The following C2CD3 variants were observed in gnomAD, a reference collection of about 807,000 sequenced individuals.
C2CD3 encodes C2 domain-containing protein 3.
C2CD3 carries 148 observed loss-of-function variants against 234.0 expected under a neutral mutation model. The observed-to-expected ratio is 0.63, with a 90% CI of 0.55 to 0.72. C2CD3 has a LOEUF of 0.72. Among genes scored for constraint, C2CD3 ranks in the 30% least tolerant of loss-of-function variants. C2CD3 has a pLI of 0.00. For synonymous variants in C2CD3, 1,000 were observed against 1,035.4 expected, an observed-to-expected ratio of 0.97 and a Z score of 0.66; for missense variants, 2,577 against 2,811.5, an observed-to-expected ratio of 0.92 and a Z score of 1.89.
chr11:74,033,829 AG>A lies in C2CD3; in HGVS notation c.6330del (p.Ser2111LeufsTer120). ...CAGAAAGGCCCTGGAGAAGGACAAG[AG>A]GGGCCTTCCCTCTGCACCTCGTCAG... ...PQPDEVQREG[P>X]SCPSPGPFCR... On this transcript the variant is annotated frameshift_variant, in exon 31 of 33. Coordinates refer to ENST00000334126, the MANE Select transcript of C2CD3 (RefSeq NM_001286577.2). LOFTEE classifies it high-confidence loss of function. The A allele has an allele frequency of 6.5e-7, 1 of 1,536,180 alleles. No homozygotes were observed. Among genetic ancestry groups the A allele is most frequent in the Non-Finnish European group, 8.7e-7 (1 of 1,146,918 alleles).
At chr11:74,092,347 A>C in intron 19 of C2CD3, 69 bp downstream of exon 19, 12 of 1,409,684 alleles carry the variant, frequency 8.5e-6, no homozygotes, top group South Asian at 1.2e-5. Flanking sequence ...GAACCACCGC[A>C]CCCGGCTATT....
At chr11:74,118,747 C>T (rs1202308023) in intron 8 of C2CD3, among the ~76,000 whole-genome samples, 1 of 152,080 alleles carries the variant, frequency 6.6e-6, no homozygotes, top group Non-Finnish European at 1.5e-5. Flanking sequence ...TCAGTTTTTA[C>T]AAGTGAGAAA....
rs115106467 is a variant in C2CD3 at position 74,055,229 on chromosome 11, G to C, written c.5091-558C>G. On this transcript the variant is annotated intron_variant, in intron 25 of 32. Transcript: ENST00000334126. Reference sequence around the variant, plus strand: ...CTTGAGGTCACTTAAGAGTCAGTAAGTAGTAGGGCTAGGATTTAAACCCTG... The same window carrying C: ...CTTGAGGTCACTTAAGAGTCAGTAACTAGTAGGGCTAGGATTTAAACCCTG... Among the ~76,000 whole-genome samples the C allele has an allele frequency of 1.4e-3, 211 of 152,322 alleles. 3 individuals are homozygous for C. The highest frequency in any genetic ancestry group is 4.3e-3 in the African/African-American group (178 of 41,566).
chr11:74,079,043 AGTT>A (rs1955207410), intron 22 of C2CD3, among the ~76,000 whole-genome samples: 1 of 152,182 alleles, frequency 6.6e-6, no homozygotes, highest in Non-Finnish European at 1.5e-5. Context: ...TGTCTCCCAA[AGTT>A]GTTATGATTG....
chr11:74,116,675 T>G (rs979869716), intron 9 of C2CD3, among the ~76,000 whole-genome samples: 1 of 151,714 alleles, frequency 6.6e-6, no homozygotes, highest in Non-Finnish European at 1.5e-5. Context: ...TACTTGTACT[T>G]GCATGCTTAT....
chr11:74,012,943 C>G lies in C2CD3; in HGVS notation c.*442G>C, dbSNP rs912768827. On this transcript the variant is annotated 3_prime_UTR_variant, in exon 33 of 33. Coordinates refer to ENST00000334126, the MANE Select transcript of C2CD3 (RefSeq NM_001286577.2). Reference sequence around the variant, plus strand: ...TCCCACACAAATGAACTGGAGGTGGCCCTAGGATTTCCTTGACTATGCACA... The same window carrying G: ...TCCCACACAAATGAACTGGAGGTGGGCCTAGGATTTCCTTGACTATGCACA... 1 of 152,696 alleles carries G rather than the reference C, an allele frequency of 6.5e-6. No homozygotes were observed. The highest frequency in any genetic ancestry group is 1.5e-5 in the Non-Finnish European group (1 of 68,426). The allele number at this position is 152,696 out of a possible 1,614,324, so 9.5% of individuals were successfully genotyped here.
rs397939576 is a variant in C2CD3 at position 74,123,708 on chromosome 11, C to CT, written c.1218-574dup. ...CAGAATTTTGAAGGAACAAATACTC[C>CT]TTTTTTTTTTGAAATCCCACGCTGG... On this transcript the variant is annotated intron_variant, in intron 7 of 32. Coordinates refer to ENST00000334126, the MANE Select transcript of C2CD3 (RefSeq NM_001286577.2). Among the ~76,000 whole-genome samples the CT allele has an allele frequency of 3.6e-3, 507 of 142,706 alleles. 4 individuals are homozygous for CT. Among genetic ancestry groups the CT allele is most frequent in the African/African-American group, 0.012 (473 of 39,116 alleles). The allele number at this position is 142,706 out of a possible 152,430, so 93.6% of individuals were successfully genotyped here. A position where few individuals can be genotyped will look rare whatever the true frequency, so the allele number is the denominator to read the frequency against.
At chr11:74,129,402 G>C (rs1241642792) in intron 7 of C2CD3, 1 of 176,222 alleles carries the variant, frequency 5.7e-6, no homozygotes, top group Non-Finnish European at 1.2e-5. Flanking sequence ...AGACGGGGTC[G>C]CGGCCGGGCA....
chr11:74,034,639 T>TA, intron 30 of C2CD3: 1 of 1,545,090 alleles, frequency 6.5e-7, no homozygotes, highest in East Asian at 2.2e-5. Context: ...AGAATCCACT[T>TA]ATTTACCTAT....
intron 32 of C2CD3, among the ~76,000 whole-genome samples, chr11:74,027,814 T>A (rs1952364797): frequency 6.6e-6 from 1 of 152,232 alleles, no homozygotes; most frequent in South Asian, 2.1e-4. Flanking sequence ...AGAGGAGATG[T>A]GGGATTTGTA....
chr11:74,024,864 C>T (rs961705041), intron 32 of C2CD3, among the ~76,000 whole-genome samples: 1 of 152,068 alleles, frequency 6.6e-6, no homozygotes. Flanking sequence ...ACTAACCTCC[C>T]TGGGTTTCCT....
intron 4 of C2CD3, 48 bp downstream of exon 4, chr11:74,139,557 A>G: frequency 8.1e-7 from 1 of 1,232,820 alleles, no homozygotes; most frequent in Non-Finnish European, 1.2e-6. Flanking sequence ...AATCACAACT[A>G]CAGTGCAGTT....
chr11:74,077,963 T>C, intron 23 of C2CD3, 152 bp downstream of exon 23: 1 of 896,646 alleles, frequency 1.1e-6, no homozygotes, highest in Non-Finnish European at 1.6e-6. Context: ...TCTCTGAGCC[T>C]CCTTTTTTAT....
At chr11:74,117,537 T>C (rs992587668) in intron 9 of C2CD3, among the ~76,000 whole-genome samples, 1 of 151,258 alleles carries the variant, frequency 6.6e-6, no homozygotes, top group African/African-American at 2.4e-5. Context: ...GAAGCAAAGC[T>C]ATGAGGATGC....
intron 30 of C2CD3, 98 bp downstream of exon 30, chr11:74,037,379 AT>A: frequency 8.4e-6 from 8 of 953,948 alleles, no homozygotes; most frequent in Non-Finnish European, 1.3e-5. Context: ...ATTGGTCTCT[AT>A]TTGTCATAGG....
chr11:74,060,080 A>G (rs1386143608), intron 24 of C2CD3, among the ~76,000 whole-genome samples: 1 of 152,174 alleles, frequency 6.6e-6, no homozygotes, highest in African/African-American at 2.4e-5. Context: ...AAGGATGTCC[A>G]CCATTGCTGA....
chr11:74,155,424 G>A (rs1209313727), intron 3 of C2CD3, among the ~76,000 whole-genome samples: 1 of 152,118 alleles, frequency 6.6e-6, no homozygotes, highest in Non-Finnish European at 1.5e-5. Flanking sequence ...AGAACGGAAA[G>A]CATATGTTCA....
chr11:74,133,378 A>G, intron 6 of C2CD3, 47 bp downstream of exon 6: 1 of 1,559,272 alleles, frequency 6.4e-7, no homozygotes, highest in Non-Finnish European at 8.8e-7. Flanking sequence ...CAGGTTAACA[A>G]CTATTAAGAA....
In C2CD3 at chr11:74,118,385, A is replaced by G. The variant is rs757167977; in HGVS notation, c.1366-3T>C. ...TCACTGATGCTGGTATCAGATTTCT[A>G]TGGAGAGGAAGAAACAGAGACACTA... On this transcript the variant is annotated splice_polypyrimidine_tract_variant and splice_region_variant and intron_variant, in intron 8 of 32. Coordinates refer to ENST00000334126, the MANE Select transcript of C2CD3 (RefSeq NM_001286577.2). The G allele has an allele frequency of 5.0e-6, 8 of 1,610,368 alleles. No homozygotes were observed. In the East Asian group the frequency reaches 8.9e-5, roughly 18 times the overall value.
Sources: allele counts gnomAD v4.1 joint callset (sites outside exome capture counted in the v4.1 genomes callset), GRCh38; gene constraint gnomAD v4.1.1; transcripts MANE v1.5; gene names NCBI Gene and HGNC (gene_info 2026-07-23, HGNC 2026-07-21).